MYCBP2: variants seen among roughly 807,000 people sequenced by gnomAD.
MYCBP2 encodes E3 ubiquitin-protein ligase MYCBP2.
Under a neutral mutation model 525.3 loss-of-function variants are expected in MYCBP2, and 120 were observed. The ratio of observed to expected loss-of-function variants is 0.23; its 90% CI spans 0.20 to 0.27. The LOEUF (loss-of-function observed/expected upper bound fraction) is 0.27, where lower values mean the gene tolerates loss of function less well. MYCBP2 is among the 10% of genes least tolerant of loss of function. The pLI, the probability that MYCBP2 is intolerant of heterozygous loss-of-function variation, is 1.00. For missense variants in MYCBP2, 4,149 were observed against 5,657.1 expected (o/e 0.73, Z 8.55); for synonymous variants, 1,894 against 1,955.8 (o/e 0.97, Z 0.83).
intron 1 of MYCBP2, among the ~76,000 whole-genome samples, chr13:77,300,381 A>G (rs1208288946): frequency 2.0e-5 from 3 of 152,252 alleles, no homozygotes; most frequent in Admixed American, 2.0e-4. Context: ...TCGGCAGCAC[A>G]TAAAGAGAGG....
intron 55 of MYCBP2, among the ~76,000 whole-genome samples, chr13:77,116,278 T>C (rs1245173937): frequency 1.3e-5 from 2 of 151,968 alleles, no homozygotes; most frequent in Admixed American, 6.6e-5. Context: ...TAAATCTCAT[T>C]TTACTAAATA....
At chr13:77,245,832 A>G (rs959283459) in intron 15 of MYCBP2, among the ~76,000 whole-genome samples, 1 of 137,688 alleles carries the variant, frequency 7.3e-6, no homozygotes, top group Non-Finnish European at 1.6e-5. Flanking sequence ...TAATACATAT[A>G]TATGTATATA....
intron 1 of MYCBP2, among the ~76,000 whole-genome samples, chr13:77,297,341 A>G (rs1184993158): frequency 1.3e-5 from 2 of 152,262 alleles, no homozygotes; most frequent in Admixed American, 1.3e-4. Flanking sequence ...CAAAGTAGTA[A>G]AGACACAAAA....
At chr13:77,198,937 T>C (rs765032860) in intron 26 of MYCBP2, among the ~76,000 whole-genome samples, 14 of 152,248 alleles carry the variant, frequency 9.2e-5, no homozygotes, top group Non-Finnish European at 1.6e-4. Flanking sequence ...TCTTCAGTGG[T>C]AAATTGTTGA....
At chr13:77,242,041 G>C (rs939113812) in intron 17 of MYCBP2, among the ~76,000 whole-genome samples, 10 of 152,046 alleles carry the variant, frequency 6.6e-5, no homozygotes. Flanking sequence ...AATTTACTGA[G>C]CAAGGAAATC....
At chr13:77,243,305 C>CA (rs2069207955) in intron 16 of MYCBP2, 145 bp from the exon 17 acceptor site, 1 of 705,976 alleles carries the variant, frequency 1.4e-6, no homozygotes, top group African/African-American at 1.8e-5. Flanking sequence ...AATTCTTAGC[C>CA]AAAAAGGGAA....
At chr13:77,169,813 G>A (rs11617095) in intron 38 of MYCBP2, 99 bp from the exon 39 acceptor site, 33,858 of 1,024,748 alleles carry the variant, frequency 0.033, 744 homozygotes, top group Middle Eastern at 0.046. Context: ...TCTTTTGAGC[G>A]AAACTATAGT....
chr13:77,199,439 C>T (rs2062181238), intron 26 of MYCBP2, among the ~76,000 whole-genome samples: 2 of 152,208 alleles, frequency 1.3e-5, no homozygotes, highest in Admixed American at 1.3e-4. Context: ...TGAGATCAAA[C>T]TGCAAGGCGG....
intron 18 of MYCBP2, among the ~76,000 whole-genome samples, chr13:77,229,689 T>C (rs1251619205): frequency 6.6e-6 from 1 of 152,194 alleles, no homozygotes; most frequent in African/African-American, 2.4e-5. Flanking sequence ...ATTACTATTC[T>C]TGTTTTTAAA....
At chr13:77,205,801 T>C (rs1823857578) in intron 24 of MYCBP2, among the ~76,000 whole-genome samples, 1 of 152,176 alleles carries the variant, frequency 6.6e-6, no homozygotes, top group Non-Finnish European at 1.5e-5. Context: ...AAACTTGCCA[T>C]ACGACAACCT....
chr13:77,204,010 C>T (rs1290282842), intron 26 of MYCBP2, among the ~76,000 whole-genome samples: 1 of 151,792 alleles, frequency 6.6e-6, no homozygotes, highest in African/African-American at 2.4e-5. Context: ...TCTAAAACAC[C>T]AAAAGCAATG....
At chr13:77,298,638 T>A (rs2078446962) in intron 1 of MYCBP2, among the ~76,000 whole-genome samples, 1 of 152,210 alleles carries the variant, frequency 6.6e-6, no homozygotes, top group Admixed American at 6.5e-5. Context: ...TATCTACATC[T>A]ATGGTATCGA....
chr13:77,106,083 C>T (rs1336514649), intron 55 of MYCBP2, among the ~76,000 whole-genome samples: 1 of 152,058 alleles, frequency 6.6e-6, no homozygotes, highest in Non-Finnish European at 1.5e-5. Flanking sequence ...GGTGGTTTTG[C>T]TGTATCAGGA....
rs896896221 is a variant in MYCBP2 at position 77,083,185 on chromosome 13, T to C, written c.10883A>G (p.Asp3628Gly). The C allele has an allele frequency of 3.1e-6, 5 of 1,611,780 alleles. No individual in the cohort carries two copies. The highest frequency in any genetic ancestry group is 4.2e-6 in the Non-Finnish European group (5 of 1,179,004). The change falls in exon 63 of 83, where the codon GAT becomes GGT. Residue 3628 changes from aspartate to glycine, a missense_variant. Around this residue, in one of 21 missense-constraint regions of MYCBP2, gnomAD observed 509 missense variants for 789.4 expected, o/e 0.64. Coordinates refer to ENST00000544440, the MANE Select transcript of MYCBP2 (RefSeq NM_015057.5). The part of the protein sequence containing the change: ...TSKENSEQEK[D>G]TRVCEHPLSD... ...GAGTGGATGTTCACATACTCTTGTA[T>C]CTTTCTCCTAAGGCAGAAATTGAAA...
chr13:77,229,889 C>T (rs2066893135), intron 18 of MYCBP2, among the ~76,000 whole-genome samples: 1 of 152,068 alleles, frequency 6.6e-6, no homozygotes, highest in African/African-American at 2.4e-5. Context: ...TTCAGATTTT[C>T]AAATCAGTCA....
intron 77 of MYCBP2, among the ~76,000 whole-genome samples, chr13:77,059,213 A>G (rs1394611022): frequency 2.6e-5 from 4 of 152,228 alleles, no homozygotes; most frequent in Non-Finnish European, 4.4e-5. Flanking sequence ...TTTTAAGGAA[A>G]TAAGTGAATA....
At chr13:77,233,860 C>CAG (rs553354552) in intron 17 of MYCBP2, among the ~76,000 whole-genome samples, 174 of 147,626 alleles carry the variant, frequency 1.2e-3, no homozygotes, top group African/African-American at 3.8e-3. Context: ...TGTATACACA[C>CAG]AGAGAGAGAG....
At chr13:77,245,658 T>A (rs1488979787) in intron 15 of MYCBP2, among the ~76,000 whole-genome samples, 1 of 151,024 alleles carries the variant, frequency 6.6e-6, no homozygotes, top group Non-Finnish European at 1.5e-5. Context: ...TAATGACCGG[T>A]TGACAGGTAC....
At chr13:77,137,700 C>T (rs893307761) in intron 52 of MYCBP2, among the ~76,000 whole-genome samples, 2 of 152,042 alleles carry the variant, frequency 1.3e-5, no homozygotes, top group Non-Finnish European at 2.9e-5. Flanking sequence ...GCGATTCTCC[C>T]GCTTCAGCCT....
Sources: gnomAD v4.1 joint callset for allele counts (sites outside exome capture counted in the v4.1 genomes callset) on GRCh38, gnomAD v4.1.1 for gene constraint, gnomAD v4.1.1 regional missense constraint, MANE v1.5 for transcripts, NCBI Gene and HGNC (gene_info 2026-07-23, HGNC 2026-07-21) for gene names.